Variants in ASPM observed in about 807,000 individuals in gnomAD.
ASPM encodes the protein assembly factor for spindle microtubules.
In ASPM, 256 loss-of-function variants were observed where a neutral mutation model predicts 366.4. The ratio of observed to expected loss-of-function variants is 0.70; its 90% confidence interval spans 0.63 to 0.77. The LOEUF (loss-of-function observed/expected upper bound fraction) is 0.77, where lower values mean the gene tolerates loss of function less well. Among genes scored for constraint, ASPM ranks in the 30% least tolerant of loss-of-function variants. The pLI is 0.00. For missense variants in ASPM, 4,146 were observed against 4,090.4 expected (o/e 1.01, Z -0.37); for synonymous variants, 1,414 against 1,342.9 (o/e 1.05, Z -1.16).
chr1:197,140,013 A>G, intron 3 of ASPM, 142 bp from the exon 4 acceptor site: 2 of 617,926 alleles, frequency 3.2e-6, no homozygotes, highest in Non-Finnish European at 5.8e-6. Context: ...TCCACGCACT[A>G]ATGCTATGAA....
chr1:197,122,432 G>C lies in ASPM; in HGVS notation c.3554C>G (p.Ser1185Cys), dbSNP rs1657940861. The change falls in exon 14 of 28, where the codon TCT becomes TGT. Residue 1185 changes from serine (S) to cysteine (C), a missense_variant. Ser to Cys is a moderately radical substitution (Grantham distance 112). Transcript: ENST00000367409. ...AGACATATCCAGAGAACTGTCATCAGATTCAGATGATGAATTTAATACCAC... is the reference window on the plus strand; with the variant it reads ...AGACATATCCAGAGAACTGTCATCACATTCAGATGATGAATTTAATACCAC... ...GSVVLNSSSESDDSSLDMSLK... is the reference protein window; with the variant it reads ...GSVVLNSSSECDDSSLDMSLK... 1 of 1,613,864 alleles carries C rather than the reference G, an allele frequency of 6.2e-7. No individual in the cohort carries two copies. Among genetic ancestry groups the C allele is most frequent in the Non-Finnish European group, 8.5e-7 (1 of 1,179,808 alleles).
rs1401362105 is a variant in ASPM, at chr1:197,093,222, C to T, written c.9124G>A (p.Gly3042Arg). 18 of 1,612,244 alleles carry T rather than the reference C, an allele frequency of 1.1e-5. No homozygotes were observed. In the South Asian group the frequency reaches 1.4e-4, roughly 13 times the overall value. Reference protein sequence around the residue: ...AACLIQAHYRGYKGRQVFLRQ... With the variant: ...AACLIQAHYRRYKGRQVFLRQ... ...AGAAAGACCTGCCTTCCTTTATATCCTCTATAATGTGCTTGGATCAAACAA... is the reference window on the plus strand; with the variant it reads ...AGAAAGACCTGCCTTCCTTTATATCTTCTATAATGTGCTTGGATCAAACAA... Residue 3042 changes from glycine to arginine, a missense_variant, in exon 21 of 28, where the codon GGA (glycine) becomes AGA (arginine). By Grantham distance (125) the Gly-to-Arg change is moderately radical. Around this residue, in one of 3 missense-constraint regions of ASPM, gnomAD observed 3,624 missense variants for 3,591.7 expected, o/e 1.01. Coordinates refer to ENST00000367409, the MANE Select transcript of ASPM (RefSeq NM_018136.5).
Position 197,100,475 on chromosome 1 carries a change from T to C in ASPM, c.8776A>G (p.Lys2926Glu). The C allele has an allele frequency of 6.3e-7, 1 of 1,581,156 alleles. No homozygotes were observed. The highest frequency in any genetic ancestry group is 8.6e-7 in the Non-Finnish European group (1 of 1,163,666). ...IQARSKGFIQ[K>E]RKFQEIKNST... ...TTTTTAATTTCCTGAAACTTCCGTT[T>C]CTGTATAAATCCTTTACTTCTAGCT... Residue 2926 changes from lysine to glutamate, a missense_variant, in exon 18 of 28, where the codon AAA becomes GAA. Lys to Glu is a moderately conservative substitution (Grantham distance 56). Transcript: ENST00000367409.
chr1:197,132,177 T>G lies in ASPM; in HGVS notation c.2487+108A>C. The G allele has an allele frequency of 3.5e-6, 3 of 861,440 alleles. No homozygotes were observed. In the East Asian group the frequency reaches 8.4e-5, roughly 24 times the overall value. 53.4% of individuals were successfully genotyped at this position (861,440 alleles called of 1,614,324 possible). On this transcript the variant is annotated intron_variant, in intron 7 of 27. Coordinates refer to ENST00000367409, the MANE Select transcript of ASPM (RefSeq NM_018136.5). ...TAAAAGATGAATCAAGCTAACCTAA[T>G]GACTTTCAACTTTTATAAGTAAAAC...
At chr1:197,092,166 A>G in intron 21 of ASPM, 110 bp from the exon 22 acceptor site, 1 of 1,036,768 alleles carries the variant, frequency 9.6e-7, no homozygotes. Context: ...GCAAGAATAA[A>G]CTAATTTTTA....
At position 197,102,652 on chromosome 1, in the gene ASPM, T is replaced by C. The variant is rs758439016; in HGVS notation, c.6599A>G (p.Tyr2200Cys). The C allele has an allele frequency of 4.3e-6, 7 of 1,612,640 alleles. No individual in the cohort carries two copies. In the African/African-American group the frequency reaches 5.3e-5, roughly 12 times the overall value. Residue 2200 changes from tyrosine to cysteine, a missense_variant, in exon 18 of 28, where the codon TAC becomes TGC. By Grantham distance (194) the Tyr-to-Cys change is radical. Around this residue, in one of 3 missense-constraint regions of ASPM, gnomAD observed 3,624 missense variants for 3,591.7 expected, o/e 1.01. Transcript: ENST00000367409. ...QTAATLIQSN[Y>C]RRYRQQTYFN... is the part of the protein sequence containing the mutation. ...GTATGTTTGCTGTCTGTATCTTCTGTAGTTTGACTGAATGAGTGTTGCTGC... is the reference window on the plus strand; with the variant it reads ...GTATGTTTGCTGTCTGTATCTTCTGCAGTTTGACTGAATGAGTGTTGCTGC...
chr1:197,102,238 G>C lies in ASPM; in HGVS notation c.7013C>G (p.Ala2338Gly). 6.2e-7 allele frequency: 1 copy of C among 1,612,766 alleles called. No homozygotes were observed. The change falls in exon 18 of 28, where the codon GCT becomes GGT. Residue 2338 changes from alanine (A) to glycine (G), a missense_variant. By Grantham distance (60) the Ala-to-Gly change is moderately conservative. Coordinates refer to ENST00000367409, the MANE Select transcript of ASPM (RefSeq NM_018136.5). ...TCTGAAAGTAGACTGGATGAAAGTAGCAGCCCTGTGCATCTCTCGCATCCT... is the reference window on the plus strand; with the variant it reads ...TCTGAAAGTAGACTGGATGAAAGTACCAGCCCTGTGCATCTCTCGCATCCT... The part of the protein sequence containing the change: ...RKRMREMHRA[A>G]TFIQSTFRMH...
intron 12 of ASPM, among the ~76,000 whole-genome samples, chr1:197,124,659 C>T (rs1282667504): frequency 6.6e-6 from 1 of 151,660 alleles, no homozygotes; most frequent in Non-Finnish European, 1.5e-5. Context: ...ATAACACCTA[C>T]TTTGCAGGTG....
chr1:197,138,838 T>C (rs762129115), intron 4 of ASPM: 4 of 814,238 alleles, frequency 4.9e-6, no homozygotes, highest in Non-Finnish European at 6.4e-6. Flanking sequence ...AAAAAATCTA[T>C]TATTTCTCCT....
chr1:197,099,525 C>T (rs1657088010), intron 18 of ASPM, among the ~76,000 whole-genome samples: 1 of 151,626 alleles, frequency 6.6e-6, no homozygotes, highest in Non-Finnish European at 1.5e-5. Flanking sequence ...AAGTCTCTGA[C>T]CATGGAGACT....
intron 18 of ASPM, among the ~76,000 whole-genome samples, chr1:197,099,193 T>C (rs1657077879): frequency 6.6e-6 from 1 of 151,534 alleles, no homozygotes; most frequent in African/African-American, 2.4e-5. Flanking sequence ...TTGCTCCTTT[T>C]CCAGTCCATC....
chr1:197,115,914 C>T (rs1657724836), intron 17 of ASPM, among the ~76,000 whole-genome samples: 1 of 152,164 alleles, frequency 6.6e-6, no homozygotes, highest in African/African-American at 2.4e-5. Flanking sequence ...CTTAAAGTCA[C>T]CAGTTGCATT....
chr1:197,142,943 G>A lies in ASPM; in HGVS notation c.1309C>T (p.Arg437Cys), dbSNP rs776198324. ...EDWRKSEVSP[R>C]IPECQGSKSP... ...TTTGAACCCTGACATTCAGGAATAC[G>A]TGGCGAAACTTCACTTTTTCTCCAA... The change falls in exon 3 of 28, where the codon CGT becomes TGT. Residue 437 changes from arginine (R) to cysteine (C), a missense_variant. Physicochemically the swap from Arg to Cys is radical, Grantham distance 180. Coordinates refer to ENST00000367409, the MANE Select transcript of ASPM (RefSeq NM_018136.5). 8 of 1,613,896 alleles carry A rather than the reference G, an allele frequency of 5.0e-6. No individual in the cohort carries two copies. Among genetic ancestry groups the A allele is most frequent in the African/African-American group, 1.3e-5 (1 of 75,028 alleles).
At chr1:197,089,480 T>A (rs1656702576) in intron 25 of ASPM, among the ~76,000 whole-genome samples, 1 of 152,024 alleles carries the variant, frequency 6.6e-6, no homozygotes, top group African/African-American at 2.4e-5. Context: ...CATCACCACC[T>A]CTAAAGGCAG....
chr1:197,117,444 G>A (rs1406569871), intron 17 of ASPM, among the ~76,000 whole-genome samples: 19 of 152,018 alleles, frequency 1.2e-4, no homozygotes, highest in Admixed American at 1.2e-3. Context: ...GAAGTTTCCA[G>A]GACTCAAAGC....
intron 18 of ASPM, among the ~76,000 whole-genome samples, chr1:197,098,255 C>T (rs962874917): frequency 6.6e-6 from 1 of 150,866 alleles, no homozygotes; most frequent in Admixed American, 6.6e-5. Context: ...TATACTATAT[C>T]CCAGTGGCTC....
chr1:197,103,669 T>C lies in ASPM; in HGVS notation c.5582A>G (p.Tyr1861Cys), dbSNP rs587783250. 6.2e-7 allele frequency: 1 copy of C among 1,612,912 alleles called. No homozygotes were observed. Among genetic ancestry groups the C allele is most frequent in the African/African-American group, 1.3e-5 (1 of 74,956 alleles). Residue 1861 changes from tyrosine to cysteine, a missense_variant, in exon 18 of 28, where the codon TAC becomes TGC. Tyr to Cys is a radical substitution (Grantham distance 194). Transcript: ENST00000367409. ...TGTTCTTGTATCATGAAGAGTCTTG[T>C]ACGCCCTGTACCATCTCTGAATCTT... ...IIKIQRWYRA[Y>C]KTLHDTRTHF...
rs759534488 is a variant in ASPM, at chr1:197,139,862, A to T, written c.1931T>A (p.Ile644Lys). The change falls in exon 4 of 28, where the codon ATA (isoleucine) becomes AAA (lysine). Residue 644 changes from isoleucine (I) to lysine (K), a missense_variant. Around this residue, in one of 3 missense-constraint regions of ASPM, gnomAD observed 3,624 missense variants for 3,591.7 expected, o/e 1.01. Coordinates refer to ENST00000367409, the MANE Select transcript of ASPM (RefSeq NM_018136.5). ...LNLKKKTDLS[I>K]FRTPISKTNK... ...TGTTTTAGAAATTGGAGTTCTGAAT[A>T]TTGATAAATCTAAAATAAATTAGAA... The T allele has an allele frequency of 4.8e-5, 76 of 1,589,228 alleles. No individual in the cohort carries two copies. The highest frequency in any genetic ancestry group is 3.3e-4 in the Middle Eastern group (2 of 6,006).
intron 17 of ASPM, among the ~76,000 whole-genome samples, chr1:197,116,047 TG>T (rs1467595005): frequency 6.6e-6 from 1 of 152,232 alleles, no homozygotes; most frequent in Non-Finnish European, 1.5e-5. Context: ...TTGTCTAGAT[TG>T]AAAACTTTTG....
Sources: allele counts gnomAD v4.1 joint callset (sites outside exome capture counted in the v4.1 genomes callset), GRCh38; gene constraint gnomAD v4.1.1; regional missense constraint gnomAD v4.1.1; transcripts MANE v1.5; gene names NCBI Gene and HGNC (gene_info 2026-07-23, HGNC 2026-07-21).